The following PATJ variants were observed in gnomAD, a reference collection of about 807,000 sequenced individuals.
PATJ encodes inaD-like protein.
In PATJ, 190 loss-of-function variants were observed where a neutral mutation model predicts 224.9. The ratio of observed to expected loss-of-function variants is 0.84; its 90% CI spans 0.75 to 0.95. The LOEUF is 0.95. Among genes scored for constraint, PATJ ranks in the 40% least tolerant of loss-of-function variants. The probability of loss-of-function intolerance (pLI) is 0.00; values close to 1 mark genes in which losing one functional copy is unlikely to be tolerated. For missense variants in PATJ, 2,121 were observed against 2,270.3 expected (o/e 0.93, Z 1.34); for synonymous variants, 769 against 820.3 (o/e 0.94, Z 1.07).
At chr1:61,891,481 G>A (rs1669601808) in intron 22 of PATJ, among the ~76,000 whole-genome samples, 1 of 152,180 alleles carries the variant, frequency 6.6e-6, no homozygotes, top group Non-Finnish European at 1.5e-5. Flanking sequence ...TGAGTTGGGA[G>A]AGAAAAGGGG....
At chr1:62,051,477 C>A (rs1653615138) in intron 31 of PATJ, among the ~76,000 whole-genome samples, 1 of 152,108 alleles carries the variant, frequency 6.6e-6, no homozygotes, top group African/African-American at 2.4e-5. Flanking sequence ...CAGGCGCACA[C>A]CACCATGCCC....
intron 19 of PATJ, among the ~76,000 whole-genome samples, chr1:61,862,529 A>G (rs553390238): frequency 1.3e-5 from 2 of 152,164 alleles, no homozygotes; most frequent in South Asian, 4.1e-4. Flanking sequence ...TTCCTTCCAT[A>G]TCACATTGCC....
chr1:61,749,230 A>G (rs897758782), intron 1 of PATJ, among the ~76,000 whole-genome samples: 25 of 149,316 alleles, frequency 1.7e-4, no homozygotes, highest in Non-Finnish European at 3.1e-4. Context: ...CTGGTCTCGA[A>G]CTCCTGACCT....
chr1:61,933,345 C>T (rs1304931144), intron 27 of PATJ, among the ~76,000 whole-genome samples: 2 of 151,972 alleles, frequency 1.3e-5, no homozygotes, highest in Non-Finnish European at 2.9e-5. Flanking sequence ...GCACGACCAG[C>T]CTGGCCAACA....
intron 27 of PATJ, among the ~76,000 whole-genome samples, chr1:61,967,406 A>G (rs1412382896): frequency 6.6e-6 from 1 of 152,250 alleles, no homozygotes; most frequent in Non-Finnish European, 1.5e-5. Context: ...TCAAGGAAAG[A>G]TACCTTTCAG....
At chr1:62,015,209 C>T (rs1000452192) in intron 28 of PATJ, among the ~76,000 whole-genome samples, 1 of 151,592 alleles carries the variant, frequency 6.6e-6, no homozygotes, top group African/African-American at 2.4e-5. Flanking sequence ...GAGGCTGAGG[C>T]GGGAGAATTG....
intron 5 of PATJ, 129 bp downstream of exon 5, chr1:61,769,551 C>A: frequency 9.5e-7 from 1 of 1,053,784 alleles, no homozygotes; most frequent in Non-Finnish European, 1.4e-6. Flanking sequence ...TTCGTTTTTG[C>A]TATGCATTTG....
chr1:61,961,508 A>G (rs1681275322), intron 27 of PATJ, among the ~76,000 whole-genome samples: 1 of 152,232 alleles, frequency 6.6e-6, no homozygotes, highest in South Asian at 2.1e-4. Context: ...TTTGCAATAA[A>G]ATGTTTTATT....
intron 27 of PATJ, among the ~76,000 whole-genome samples, chr1:61,967,058 C>A (rs184169120): frequency 1.9e-4 from 29 of 152,276 alleles, no homozygotes; most frequent in African/African-American, 6.0e-4. Context: ...TCTGGGAATG[C>A]AGCTCAGTAG....
At chr1:62,084,971 G>T (rs1407405847) in intron 33 of PATJ, among the ~76,000 whole-genome samples, 1 of 151,820 alleles carries the variant, frequency 6.6e-6, no homozygotes, top group Admixed American at 6.6e-5. Flanking sequence ...TACAAAAATT[G>T]TCTGGGTGGG....
In PATJ at chr1:61,768,309, A is replaced by T. The variant is rs1646404914; in HGVS notation, c.385-974A>T. 4.6e-5 allele frequency among the ~76,000 whole-genome samples: 7 copies of T among 151,976 alleles called. No individual in the cohort carries two copies. The South Asian group carries it at 1.5e-3, about 32-fold the overall frequency. ...ACGGTGAAACCCCGTCTCTACTAAA[A>T]ATACAAAAAAATTAGCCAGGCGTGG... On this transcript the variant is annotated intron_variant, in intron 4 of 43. Coordinates refer to ENST00000642238, the MANE Select transcript of PATJ (RefSeq NM_001350145.3).
intron 39 of PATJ, among the ~76,000 whole-genome samples, chr1:62,125,728 C>G (rs1203182042): frequency 6.6e-6 from 1 of 152,070 alleles, no homozygotes; most frequent in East Asian, 1.9e-4. Flanking sequence ...AAAGCCTGCT[C>G]CTACCTACCC....
chr1:61,942,012 A>G (rs1247271801), intron 27 of PATJ, among the ~76,000 whole-genome samples: 1 of 152,202 alleles, frequency 6.6e-6, no homozygotes, highest in Non-Finnish European at 1.5e-5. Context: ...CAGATTATTG[A>G]TCTTGCACTG....
At chr1:61,882,662 A>G (rs1296057894) in intron 21 of PATJ, among the ~76,000 whole-genome samples, 1 of 152,024 alleles carries the variant, frequency 6.6e-6, no homozygotes, top group Non-Finnish European at 1.5e-5. Context: ...ATCACTCCTC[A>G]CTGTGATCAT....
At chr1:62,151,418 G>A (rs553788497) in intron 42 of PATJ, among the ~76,000 whole-genome samples, 111 of 150,702 alleles carry the variant, frequency 7.4e-4, no homozygotes, top group Admixed American at 2.3e-3. Context: ...GAAAAACCCC[G>A]TCTCTACTAA....
At chr1:61,962,828 C>T (rs937400462) in intron 27 of PATJ, among the ~76,000 whole-genome samples, 1 of 152,184 alleles carries the variant, frequency 6.6e-6, no homozygotes, top group Non-Finnish European at 1.5e-5. Context: ...CCTCCATCCT[C>T]CATGTCACCT....
chr1:62,125,275 C>A (rs1665608613), intron 39 of PATJ, among the ~76,000 whole-genome samples: 19 of 105,986 alleles, frequency 1.8e-4, no homozygotes, highest in South Asian at 1.6e-3. Flanking sequence ...AAAAAAAAAA[C>A]GCCATTAGCT....
chr1:61,774,073 T>TCA (rs1304072339), intron 6 of PATJ, among the ~76,000 whole-genome samples: 1 of 125,860 alleles, frequency 7.9e-6, no homozygotes, highest in East Asian at 2.4e-4. Context: ...TGAGCCGAGA[T>TCA]CACACCACTG....
intron 36 of PATJ, 43 bp from the exon 37 acceptor site, chr1:62,117,089 A>C (rs941959477): frequency 1.3e-6 from 2 of 1,494,688 alleles, no homozygotes; most frequent in African/African-American, 2.8e-5. Context: ...CAGAATATAA[A>C]TGCTACTACT....
Sources: gnomAD v4.1 joint callset for allele counts (sites outside exome capture counted in the v4.1 genomes callset) on GRCh38, gnomAD v4.1.1 for gene constraint, MANE v1.5 for transcripts, NCBI Gene and HGNC (gene_info 2026-07-23, HGNC 2026-07-21) for gene names.